The following PFKFB3 variants were observed in gnomAD, a reference collection of about 807,000 sequenced individuals.
The protein encoded by PFKFB3 is 6-phosphofructo-2-kinase/fructose-2,6-bisphosphatase 3.
A neutral mutation model predicts 68.0 loss-of-function variants in PFKFB3; 33 were observed. That is an observed-to-expected ratio of 0.49 (90% CI 0.37 to 0.65). PFKFB3 has a LOEUF of 0.65. Ranked by LOEUF, PFKFB3 falls within the 30% of genes least tolerant of loss-of-function variation. The probability of loss-of-function intolerance (pLI) is 0.00; values close to 1 mark genes in which losing one functional copy is unlikely to be tolerated. For synonymous variants in PFKFB3, 315 were observed against 288.2 expected (o/e 1.09, Z -0.94); for missense variants, 586 against 712.2 (o/e 0.82, Z 2.02).
intron 1 of PFKFB3, among the ~76,000 whole-genome samples, chr10:6,212,062 A>G (rs756024126): frequency 6.6e-6 from 1 of 152,236 alleles, no homozygotes; most frequent in Non-Finnish European, 1.5e-5. Context: ...GCCTCTGTCC[A>G]GTCTGACATC....
At position 6,221,510 on chromosome 10, in the gene PFKFB3, C is replaced by T; in HGVS notation, c.961C>T (p.Leu321Phe). The T allele has an allele frequency of 6.2e-7, 1 of 1,613,350 alleles. No homozygotes were observed. The highest frequency in any genetic ancestry group is 2.2e-5 in the East Asian group (1 of 44,882). The change falls in exon 9 of 15, where the codon CTC (leucine) becomes TTC (phenylalanine). Residue 321 changes from leucine (L) to phenylalanine (F), a missense_variant. Coordinates refer to ENST00000379775, the MANE Select transcript of PFKFB3 (RefSeq NM_004566.4). Reference sequence around the variant, plus strand: ...GCTGCCCTACGAGCAGTGGAAGGCGCTCAATGAGATCGACGCGGTGAGTCC... The same window carrying T: ...GCTGCCCTACGAGCAGTGGAAGGCGTTCAATGAGATCGACGCGGTGAGTCC... ...LRLPYEQWKA[L>F]NEIDAGVCEE...
chr10:6,209,473 A>T (rs1844012675), intron 1 of PFKFB3, among the ~76,000 whole-genome samples: 1 of 150,764 alleles, frequency 6.6e-6, no homozygotes, highest in Non-Finnish European at 1.5e-5. Flanking sequence ...AAACTCAATA[A>T]TTTTTTTTTT....
intron 1 of PFKFB3, chr10:6,146,625 T>C: frequency 4.1e-6 from 4 of 969,752 alleles, no homozygotes; most frequent in Admixed American, 2.5e-5. Flanking sequence ...CTTTTGTCGA[T>C]GTAGGCTCTG....
At chr10:6,258,692 C>T (rs1333807357), downstream of PFKFB3, among the ~76,000 whole-genome samples, 1 of 152,218 alleles carries the variant, frequency 6.6e-6, no homozygotes, top group Non-Finnish European at 1.5e-5. Flanking sequence ...TTAGCTTAGC[C>T]TCTGCTCCCT....
chr10:6,311,102 G>C, the PFKFB3 span, among the ~76,000 whole-genome samples: 4 of 152,322 alleles, frequency 2.6e-5, no homozygotes, highest in Non-Finnish European at 5.9e-5. Context: ...TAATGGGAAT[G>C]AACAGAGACA....
At chr10:6,312,918 G>A in the PFKFB3 span, among the ~76,000 whole-genome samples, 2 of 55,184 alleles carry the variant, frequency 3.6e-5, no homozygotes, top group African/African-American at 5.2e-5. Flanking sequence ...GATTATCAGT[G>A]ACTGGAAAAG....
intron 1 of PFKFB3, among the ~76,000 whole-genome samples, chr10:6,161,971 A>G (rs1841987079): frequency 6.6e-6 from 1 of 152,208 alleles, no homozygotes; most frequent in Non-Finnish European, 1.5e-5. Context: ...TTGTACAACC[A>G]TCACCACCAA....
At chr10:6,260,297 T>C in the PFKFB3 span, among the ~76,000 whole-genome samples, 1 of 150,908 alleles carries the variant, frequency 6.6e-6, no homozygotes, top group Non-Finnish European at 1.5e-5. Flanking sequence ...CCTGTAGTCC[T>C]AGCTACACGG....
intron 1 of PFKFB3, among the ~76,000 whole-genome samples, chr10:6,145,217 A>G (rs988036804): frequency 2.6e-5 from 4 of 151,122 alleles, no homozygotes; most frequent in Non-Finnish European, 5.9e-5. Flanking sequence ...GTGTCCCTCC[A>G]GATCCGCACT....
intron 14 of PFKFB3, chr10:6,245,914 C>G (rs1026772126): frequency 2.0e-5 from 3 of 152,140 alleles, no homozygotes; most frequent in African/African-American, 7.2e-5. Flanking sequence ...GTCAGAAGCT[C>G]TAAGTAGCAT....
chr10:6,209,901 A>T (rs1844052008), intron 1 of PFKFB3, among the ~76,000 whole-genome samples: 1 of 150,940 alleles, frequency 6.6e-6, no homozygotes, highest in Admixed American at 6.6e-5. Flanking sequence ...AGTAGCTGGG[A>T]CTACAGGCGC....
At chr10:6,318,065 A>C in the PFKFB3 span, among the ~76,000 whole-genome samples, 1 of 152,230 alleles carries the variant, frequency 6.6e-6, no homozygotes, top group Non-Finnish European at 1.5e-5. Flanking sequence ...GTTCCTTTTC[A>C]TGACACCATG....
intron 13 of PFKFB3, chr10:6,225,281 G>T (rs752344966): frequency 1.5e-4 from 68 of 448,692 alleles, no homozygotes; most frequent in Admixed American, 3.5e-4. Context: ...CTTGGCCTTC[G>T]GATTTTGGCA....
rs201986131 is a variant in PFKFB3 at position 6,217,211 on chromosome 10, C to A, written c.498+20C>A. 1.2e-6 allele frequency: 2 copies of A among 1,609,448 alleles called. No homozygotes were observed. Among genetic ancestry groups the A allele is most frequent in the Admixed American group, 3.3e-5 (2 of 60,018 alleles). ...ATCATGGTAAGACAGCCGGGAGCCC[C>A]GTGCTTCTGCGGCAGCGTAGACCAC... On this transcript the variant is annotated intron_variant, in intron 6 of 14. Coordinates refer to ENST00000379775, the MANE Select transcript of PFKFB3 (RefSeq NM_004566.4).
At chr10:6,262,910 G>A in the PFKFB3 span, among the ~76,000 whole-genome samples, 1 of 152,192 alleles carries the variant, frequency 6.6e-6, no homozygotes, top group African/African-American at 2.4e-5. Context: ...GCTGTGATGA[G>A]ATTGGTTCCA....
At chr10:6,200,821 A>G (rs1373700821), upstream of PFKFB3, among the ~76,000 whole-genome samples, 1 of 152,174 alleles carries the variant, frequency 6.6e-6, no homozygotes, top group African/African-American at 2.4e-5. Flanking sequence ...CCGGTCTGCG[A>G]AAGTTCAGCT....
the PFKFB3 span, among the ~76,000 whole-genome samples, chr10:6,309,471 A>G: frequency 4.6e-5 from 7 of 151,906 alleles, no homozygotes; most frequent in African/African-American, 1.7e-4. Context: ...AAAATACACA[A>G]ATTAGCCAGG....
the PFKFB3 span, among the ~76,000 whole-genome samples, chr10:6,318,316 G>T: frequency 6.6e-6 from 1 of 152,224 alleles, no homozygotes; most frequent in Non-Finnish European, 1.5e-5. Context: ...AACCATCGGA[G>T]TGGGGAGATT....
chr10:6,177,450 T>TTCTTTCTA (rs1842546931), intron 1 of PFKFB3, among the ~76,000 whole-genome samples: 1 of 128,220 alleles, frequency 7.8e-6, no homozygotes, highest in Non-Finnish European at 1.7e-5. Flanking sequence ...CTTTCTTTCT[T>TTCTTTCTA]TCTTTCTTTC....
Sources: allele counts gnomAD v4.1 joint callset (sites outside exome capture counted in the v4.1 genomes callset), GRCh38; gene constraint gnomAD v4.1.1; transcripts MANE v1.5; gene names NCBI Gene and HGNC (gene_info 2026-07-23, HGNC 2026-07-21).